Variants in MECOM observed in about 807,000 individuals in gnomAD.
MECOM encodes MDS1 and EVI1 complex locus, also known as histone-lysine N-methyltransferase MECOM.
Under a neutral mutation model 116.3 loss-of-function variants are expected in MECOM, and 13 were observed. That is an observed-to-expected ratio of 0.11 (90% CI 0.07 to 0.18). The LOEUF (loss-of-function observed/expected upper bound fraction) is 0.18, where lower values mean the gene tolerates loss of function less well. MECOM is among the 10% of genes least tolerant of loss of function. The pLI, the probability that MECOM is intolerant of heterozygous loss-of-function variation, is 1.00. For synonymous variants in MECOM, 528 were observed against 535.2 expected (o/e 0.99, Z 0.19); for missense variants, 1,299 against 1,509.0 (o/e 0.86, Z 2.31).
chr3:169,563,697 AG>A (rs898706405), intron 1 of MECOM, among the ~76,000 whole-genome samples: 37 of 152,368 alleles, frequency 2.4e-4, no homozygotes, highest in Admixed American at 5.2e-4. Context: ...GGTGCTGGAC[AG>A]GACACTACGC....
intron 1 of MECOM, among the ~76,000 whole-genome samples, chr3:169,549,806 C>T (rs1576828931): frequency 6.6e-6 from 1 of 152,158 alleles, no homozygotes; most frequent in African/African-American, 2.4e-5. Context: ...TTGCCTTGAC[C>T]CTCATAGGCT....
chr3:169,497,389 A>G (rs922450180), intron 1 of MECOM, among the ~76,000 whole-genome samples: 1 of 150,226 alleles, frequency 6.7e-6, no homozygotes, highest in African/African-American at 2.5e-5. Context: ...TCTGTTGCCC[A>G]GGCTGGAGTG....
At chr3:169,529,248 A>G (rs1460013802) in intron 1 of MECOM, among the ~76,000 whole-genome samples, 6 of 105,934 alleles carry the variant, frequency 5.7e-5, no homozygotes, top group Non-Finnish European at 1.2e-4. Flanking sequence ...TCACATCAGA[A>G]CTCCTACCAG....
chr3:169,607,225 T>G (rs9290370), intron 1 of MECOM, among the ~76,000 whole-genome samples: 119,139 of 152,212 alleles, frequency 0.78, 46,915 homozygotes, highest in East Asian at 0.88. Context: ...ACTCAGGTTT[T>G]TTTGTCTCGA....
intron 1 of MECOM, among the ~76,000 whole-genome samples, chr3:169,660,327 T>C (rs1026351201): frequency 6.6e-6 from 1 of 152,210 alleles, no homozygotes; most frequent in South Asian, 2.1e-4. Context: ...TTTAATTAAA[T>C]TTTTTAACCT....
At position 169,121,024 on chromosome 3, in the gene MECOM, T is replaced by C. The variant is rs748089044; in HGVS notation, c.1132+32A>G. On this transcript the variant is annotated intron_variant, in intron 7 of 16. Transcript: ENST00000651503. The stretch of plus-strand genomic sequence containing the variant: ...GTGCCTTTTGGGGAAGAGACAGATG[T>C]GGGAAGGAGGGCTGGAGTGTTGAAA... 1.2e-5 allele frequency: 19 copies of C among 1,570,414 alleles called. No individual in the cohort carries two copies. The Middle Eastern group carries it at 6.9e-4, about 57-fold the overall frequency.
At chr3:169,390,698 G>A (rs1013955504) in intron 1 of MECOM, among the ~76,000 whole-genome samples, 2 of 152,136 alleles carry the variant, frequency 1.3e-5, no homozygotes, top group African/African-American at 4.8e-5. Context: ...TGAAATGAGA[G>A]CCCCAACTTG....
intron 1 of MECOM, among the ~76,000 whole-genome samples, chr3:169,599,805 T>C (rs1230714556): frequency 6.6e-6 from 1 of 152,214 alleles, no homozygotes; most frequent in Non-Finnish European, 1.5e-5. Context: ...ATTAATTCCC[T>C]GATCATTCAA....
intron 1 of MECOM, among the ~76,000 whole-genome samples, chr3:169,472,565 G>A (rs1200769087): frequency 0.014 from 772 of 55,412 alleles, 2 homozygotes; most frequent in Non-Finnish European, 0.019. Flanking sequence ...AAAGAGAGGA[G>A]AGGAGAGGAG....
At chr3:169,392,744 C>A (rs990724690) in intron 1 of MECOM, among the ~76,000 whole-genome samples, 2 of 152,130 alleles carry the variant, frequency 1.3e-5, no homozygotes, top group Admixed American at 1.3e-4. Context: ...TCTCGTAGAA[C>A]CTCTATCCTT....
At chr3:169,545,212 G>T (rs1366000161) in intron 1 of MECOM, among the ~76,000 whole-genome samples, 1 of 151,916 alleles carries the variant, frequency 6.6e-6, no homozygotes, top group Non-Finnish European at 1.5e-5. Context: ...TGTTTTTTCG[G>T]TACCCCATGA....
chr3:169,164,890 C>T (rs983090683), intron 2 of MECOM, among the ~76,000 whole-genome samples: 1 of 152,092 alleles, frequency 6.6e-6, no homozygotes, highest in Non-Finnish European at 1.5e-5. Flanking sequence ...GTACTTTTAT[C>T]ATCAAAAAGC....
chr3:169,305,297 T>C (rs1717462889), intron 2 of MECOM, among the ~76,000 whole-genome samples: 2 of 152,186 alleles, frequency 1.3e-5, no homozygotes, highest in East Asian at 1.9e-4. Context: ...TTTAATCTCA[T>C]GATATAAGGA....
intron 1 of MECOM, among the ~76,000 whole-genome samples, chr3:169,592,273 G>A (rs1766514244): frequency 6.6e-6 from 1 of 152,188 alleles, no homozygotes; most frequent in South Asian, 2.1e-4. Context: ...CTGGGCATCA[G>A]CACTGTGCTG....
chr3:169,655,921 G>C (rs1577314701), intron 1 of MECOM, among the ~76,000 whole-genome samples: 1 of 152,300 alleles, frequency 6.6e-6, no homozygotes, highest in South Asian at 2.1e-4. Flanking sequence ...GCAGCCCAAG[G>C]AGGGTAGTAT....
intron 5 of MECOM, among the ~76,000 whole-genome samples, chr3:169,123,466 G>A (rs1731774522): frequency 6.6e-6 from 1 of 151,856 alleles, no homozygotes; most frequent in South Asian, 2.1e-4. Context: ...TAGTTTCTCT[G>A]TTTTAAAGTT....
chr3:169,381,594 C>T lies in MECOM; in HGVS notation c.38-70G>A. The T allele has an allele frequency of 5.1e-6, 6 of 1,165,706 alleles. No homozygotes were observed. The South Asian group carries it at 8.1e-5, about 16-fold the overall frequency. The allele number at this position is 1,165,706 out of a possible 1,614,324, so 72.2% of individuals were successfully genotyped here. On this transcript the variant is annotated intron_variant, in intron 1 of 16. Coordinates refer to ENST00000651503, the MANE Select transcript of MECOM (RefSeq NM_004991.4). ...AGACAAAATTCCACAGGGGTAGCCA[C>T]CTTATTATGTTGTTCTTTGAAGGAT...
intron 2 of MECOM, chr3:169,147,446 C>G (rs1015638318): frequency 6.6e-5 from 65 of 985,324 alleles, no homozygotes; most frequent in Non-Finnish European, 7.5e-5. Context: ...AGAAAGGGAG[C>G]TATCTCCCGC....
intron 2 of MECOM, among the ~76,000 whole-genome samples, chr3:169,316,275 T>C (rs971485171): frequency 3.9e-5 from 6 of 152,140 alleles, no homozygotes; most frequent in Non-Finnish European, 8.8e-5. Context: ...GCAGAAGAAT[T>C]AAAACACCCT....
Sources: gnomAD v4.1 joint callset for allele counts (sites outside exome capture counted in the v4.1 genomes callset) on GRCh38, gnomAD v4.1.1 for gene constraint, MANE v1.5 for transcripts, NCBI Gene and HGNC (gene_info 2026-07-23, HGNC 2026-07-21) for gene names.